Variants in ANKRD44 observed in about 807,000 individuals in gnomAD.
The protein encoded by ANKRD44 is ankyrin repeat domain 44.
A neutral mutation model predicts 116.0 loss-of-function variants in ANKRD44; 35 were observed. The observed-to-expected ratio is 0.30, with a 90% CI of 0.23 to 0.40. The LOEUF is 0.40. ANKRD44 is among the 10% of genes least tolerant of loss of function. ANKRD44 has a pLI of 1.00. For missense variants in ANKRD44, 1,014 were observed against 1,242.6 expected, an observed-to-expected ratio of 0.82 and a Z score of 2.77; for synonymous variants, 435 against 461.8, an observed-to-expected ratio of 0.94 and a Z score of 0.74.
At chr2:197,194,559 T>C (rs375983301) in intron 1 of ANKRD44, among the ~76,000 whole-genome samples, 1 of 152,300 alleles carries the variant, frequency 6.6e-6, no homozygotes, top group East Asian at 1.9e-4. Context: ...GCTTGGTACT[T>C]TCTCTCACAT....
intron 27 of ANKRD44, chr2:196,990,077 G>T: frequency 2.0e-6 from 2 of 1,008,264 alleles, no homozygotes; most frequent in Non-Finnish European, 2.4e-6. Context: ...CAATTCATCT[G>T]GCAACTTTAA....
chr2:196,985,296 T>G (rs2075829187), downstream of ANKRD44, among the ~76,000 whole-genome samples: 1 of 152,202 alleles, frequency 6.6e-6, no homozygotes, highest in South Asian at 2.1e-4. Flanking sequence ...TAGGGCTGAC[T>G]CATAGAAACT....
intron 21 of ANKRD44, among the ~76,000 whole-genome samples, chr2:196,974,777 C>T (rs975646737): frequency 3.3e-5 from 5 of 151,820 alleles, no homozygotes; most frequent in African/African-American, 1.2e-4. Context: ...GTAAGCCCAG[C>T]TACTTGGGAG....
chr2:197,205,653 A>G (rs1559148499), intron 1 of ANKRD44, among the ~76,000 whole-genome samples: 2 of 152,152 alleles, frequency 1.3e-5, no homozygotes, highest in Non-Finnish European at 2.9e-5. Context: ...CAGGCAATGC[A>G]TTAGGTGGCA....
intron 16 of ANKRD44, among the ~76,000 whole-genome samples, chr2:197,067,686 G>A (rs1431087130): frequency 8.5e-6 from 1 of 117,462 alleles, no homozygotes; most frequent in African/African-American, 3.3e-5. Context: ...AGTTAGAATG[G>A]CAATCATTAA....
At chr2:197,304,782 A>G (rs2084019464) in intron 1 of ANKRD44, among the ~76,000 whole-genome samples, 1 of 152,276 alleles carries the variant, frequency 6.6e-6, no homozygotes. Context: ...TGCAAGAGTC[A>G]GAATGTTTCT....
rs572095804 is a variant in ANKRD44, at chr2:197,078,754, G to A, written c.1599C>T (p.Tyr533=). The A allele has an allele frequency of 5.2e-5, 84 of 1,613,182 alleles. No individual in the cohort carries two copies. The Admixed American group carries it at 1.4e-3, about 27-fold the overall frequency. The change falls in exon 16 of 28, where the codon TAC becomes TAT. Residue 533 remains tyrosine, a synonymous_variant. Transcript: ENST00000282272. ...AGGCGGCAGCATAATGTATGCTATT[G>A]TAACCTTCCTTGTCCCGGATAGATG... is the stretch of plus-strand genomic sequence containing the variant. The part of the protein sequence containing the change: ...ANPSIRDKEG[Y]NSIHYAAAYG...
chr2:197,270,272 T>C (rs1267313688), intron 1 of ANKRD44, among the ~76,000 whole-genome samples: 2 of 151,722 alleles, frequency 1.3e-5, no homozygotes, highest in African/African-American at 4.8e-5. Context: ...CACTCGGGAG[T>C]CAGACTCTGT....
chr2:196,990,767 A>T, intron 27 of ANKRD44: 1 of 1,232,186 alleles, frequency 8.1e-7, no homozygotes, highest in Non-Finnish European at 1.0e-6. Context: ...TGCTACCCAG[A>T]TTGGAGAGGG....
At position 197,122,792 on chromosome 2, in the gene ANKRD44, C is replaced by T. The variant is rs759723446; in HGVS notation, c.551G>A (p.Gly184Asp). The change falls in exon 7 of 28, where the codon GGC becomes GAC. Residue 184 changes from glycine (G) to aspartate (D), a missense_variant and splice_region_variant. Transcript: ENST00000282272. ...RRALHWAAYM[G>D]HLDVVALLIN... The stretch of plus-strand genomic sequence containing the variant: ...GAGCAATGCTACAACATCCAAGTGG[C>T]CTTTACAAACAAAGCAGCAGAAAAC... 6.2e-7 allele frequency: 1 copy of T among 1,612,082 alleles called. No individual in the cohort carries two copies. The highest frequency in any genetic ancestry group is 8.5e-7 in the Non-Finnish European group (1 of 1,179,310).
At chr2:197,273,977 AAAAAT>A (rs1559208162) in intron 1 of ANKRD44, among the ~76,000 whole-genome samples, 1 of 51,312 alleles carries the variant, frequency 1.9e-5, no homozygotes, top group African/African-American at 7.7e-5. Context: ...AAAAAAAAAA[AAAAAT>A]ATATATATAT....
At chr2:197,118,811 C>T (rs914330727) in intron 8 of ANKRD44, among the ~76,000 whole-genome samples, 3 of 152,184 alleles carry the variant, frequency 2.0e-5, no homozygotes, top group Admixed American at 6.5e-5. Context: ...AAAAAGAGAT[C>T]ATATTTCTTT....
chr2:197,152,654 A>G (rs1230586462), intron 2 of ANKRD44, among the ~76,000 whole-genome samples: 1 of 152,224 alleles, frequency 6.6e-6, no homozygotes, highest in Non-Finnish European at 1.5e-5. Context: ...AAGTAGGTAC[A>G]TGCAAAGTGA....
At chr2:197,166,481 A>G (rs2080103707) in intron 2 of ANKRD44, among the ~76,000 whole-genome samples, 1 of 152,248 alleles carries the variant, frequency 6.6e-6, no homozygotes, top group Non-Finnish European at 1.5e-5. Flanking sequence ...GAAAGCGAGG[A>G]ATATTGAAAA....
At chr2:197,088,950 G>C in intron 11 of ANKRD44, 176 bp from the exon 12 acceptor site, 1 of 508,792 alleles carries the variant, frequency 2.0e-6, no homozygotes. Flanking sequence ...CTCAAGCTTG[G>C]CAATTTTATA....
At chr2:197,071,036 C>A (rs1183919074) in intron 16 of ANKRD44, among the ~76,000 whole-genome samples, 1 of 152,078 alleles carries the variant, frequency 6.6e-6, no homozygotes, top group Non-Finnish European at 1.5e-5. Context: ...TTCCTTTATC[C>A]TTTTAATATC....
intron 16 of ANKRD44, among the ~76,000 whole-genome samples, chr2:197,042,621 T>C (rs556325443): frequency 1.8e-4 from 28 of 152,108 alleles, no homozygotes; most frequent in African/African-American, 5.5e-4. Flanking sequence ...ATGTCAAATA[T>C]AAATCACTGT....
chr2:197,196,419 A>C (rs1203048643), intron 1 of ANKRD44, among the ~76,000 whole-genome samples: 1 of 152,240 alleles, frequency 6.6e-6, no homozygotes, highest in East Asian at 1.9e-4. Flanking sequence ...AAAAGACAAC[A>C]ATAAAAAAGT....
At chr2:197,111,828 C>G (rs909320878) in intron 8 of ANKRD44, among the ~76,000 whole-genome samples, 1 of 151,804 alleles carries the variant, frequency 6.6e-6, no homozygotes, top group Non-Finnish European at 1.5e-5. Context: ...AAAAGAGAAT[C>G]TCTTACTTTA....
Sources: gnomAD v4.1 joint callset for allele counts (sites outside exome capture counted in the v4.1 genomes callset) on GRCh38, gnomAD v4.1.1 for gene constraint, MANE v1.5 for transcripts, NCBI Gene and HGNC (gene_info 2026-07-23, HGNC 2026-07-21) for gene names.